STX18: variants seen among roughly 807,000 people sequenced by gnomAD.
STX18 encodes syntaxin 18, also known as syntaxin-18.
A neutral mutation model predicts 50.1 loss-of-function variants in STX18; 40 were observed. The ratio of observed to expected loss-of-function variants is 0.80; its 90% confidence interval spans 0.62 to 1.04. STX18 has a LOEUF of 1.04. Ranked by LOEUF, STX18 falls within the 50% of genes least tolerant of loss-of-function variation. STX18 has a pLI of 0.00. For synonymous variants in STX18, 158 were observed against 151.8 expected, an observed-to-expected ratio of 1.04 and a Z score of -0.30; for missense variants, 410 against 415.8, an observed-to-expected ratio of 0.99 and a Z score of 0.12.
intron 3 of STX18, among the ~76,000 whole-genome samples, chr4:4,458,298 A>C (rs1683591923): frequency 6.6e-6 from 1 of 152,220 alleles, no homozygotes; most frequent in South Asian, 2.1e-4. Flanking sequence ...TAGGTCTCTC[A>C]ATGAATGTAT....
intron 1 of STX18, among the ~76,000 whole-genome samples, chr4:4,505,026 A>G (rs1729634676): frequency 6.6e-6 from 1 of 152,194 alleles, no homozygotes; most frequent in Non-Finnish European, 1.5e-5. Flanking sequence ...AATCTGTTTT[A>G]GAACATTTTC....
chr4:4,517,179 C>T (rs1342733597), intron 1 of STX18, among the ~76,000 whole-genome samples: 1 of 152,120 alleles, frequency 6.6e-6, no homozygotes. Context: ...TATTGGGGCT[C>T]GTCAGTACAT....
chr4:4,528,705 T>C (rs1387304262), intron 1 of STX18, among the ~76,000 whole-genome samples: 1 of 152,238 alleles, frequency 6.6e-6, no homozygotes, highest in South Asian at 2.1e-4. Context: ...TGCCTGCTGC[T>C]GGCTCACAGC....
chr4:4,420,578 T>C lies in STX18; in HGVS notation c.912+286A>G, dbSNP rs1724887258. 2 of 472,540 alleles carry C rather than the reference T, an allele frequency of 4.2e-6. No individual in the cohort carries two copies. Among genetic ancestry groups the C allele is most frequent in the Admixed American group, 3.8e-5 (1 of 25,994 alleles). 29.3% of individuals were successfully genotyped at this position (472,540 alleles called of 1,614,324 possible). A position where few individuals can be genotyped will look rare whatever the true frequency, so the allele number is the denominator to read the frequency against. On this transcript the variant is annotated intron_variant, in intron 10 of 10. Transcript: ENST00000306200. This position sits in a 1 kb window ranked among gnomAD's most constrained non-coding sequence, Gnocchi z 4.3. ...GGGGCCAACGAGCTACCCATGTACA[T>C]CCCTGGACATGAAGAGCTGGCCTGA...
intron 1 of STX18, among the ~76,000 whole-genome samples, chr4:4,476,876 T>C (rs1728200780): frequency 6.6e-6 from 1 of 152,042 alleles, no homozygotes; most frequent in Non-Finnish European, 1.5e-5. Flanking sequence ...TTAGTATATA[T>C]TTGAAATTTT....
At chr4:4,443,775 A>G (rs1157994763) in intron 5 of STX18, among the ~76,000 whole-genome samples, 1 of 152,248 alleles carries the variant, frequency 6.6e-6, no homozygotes, top group African/African-American at 2.4e-5. Context: ...TTAACAAAAA[A>G]AGAAAAAAGC....
chr4:4,537,542 C>T (rs115839934), intron 1 of STX18, among the ~76,000 whole-genome samples: 1,553 of 152,254 alleles, frequency 0.01, 39 homozygotes, highest in East Asian at 0.026. Flanking sequence ...AGATTTCCTT[C>T]CTGGGCTTTA....
chr4:4,471,263 G>A (rs149027103), intron 2 of STX18, among the ~76,000 whole-genome samples: 1 of 152,310 alleles, frequency 6.6e-6, no homozygotes, highest in East Asian at 1.9e-4. Context: ...GACTGGGACC[G>A]CAAGAGATGG....
intron 1 of STX18, among the ~76,000 whole-genome samples, chr4:4,524,115 T>C (rs866986393): frequency 6.6e-6 from 1 of 152,206 alleles, no homozygotes; most frequent in South Asian, 2.1e-4. Context: ...ATACCTAACC[T>C]AGTTGTATGC....
chr4:4,489,015 C>A (rs1728817583), intron 1 of STX18, among the ~76,000 whole-genome samples: 1 of 152,102 alleles, frequency 6.6e-6, no homozygotes, highest in Non-Finnish European at 1.5e-5. Context: ...TCATTCAAAC[C>A]CCAAAAGTAG....
chr4:4,539,000 A>G (rs1283987486), intron 1 of STX18, among the ~76,000 whole-genome samples: 1 of 152,234 alleles, frequency 6.6e-6, no homozygotes, highest in African/African-American at 2.4e-5. Flanking sequence ...AAAATTGAGC[A>G]TAAAAGTTAA....
chr4:4,470,637 T>C (rs1427644462), intron 2 of STX18, among the ~76,000 whole-genome samples: 2 of 152,102 alleles, frequency 1.3e-5, no homozygotes, highest in Non-Finnish European at 2.9e-5. Context: ...AGAGACCTAC[T>C]TTATAAAGGG....
At chr4:4,433,619 C>G (rs1725632928) in intron 7 of STX18, among the ~76,000 whole-genome samples, 1 of 151,164 alleles carries the variant, frequency 6.6e-6, no homozygotes, top group Admixed American at 6.6e-5. Flanking sequence ...TCTCACAGAG[C>G]TTGTGCTCTA....
intron 1 of STX18, among the ~76,000 whole-genome samples, chr4:4,505,075 C>T (rs1202545741): frequency 1.3e-5 from 2 of 152,112 alleles, no homozygotes; most frequent in Non-Finnish European, 2.9e-5. Flanking sequence ...TGGTCACTCC[C>T]CATTTCCCCC....
chr4:4,529,074 G>A (rs187181453), intron 1 of STX18, among the ~76,000 whole-genome samples: 228 of 152,106 alleles, frequency 1.5e-3, no homozygotes, highest in African/African-American at 5.1e-3. Context: ...TTTAAGAAAC[G>A]CATGGTTGGC....
intron 1 of STX18, among the ~76,000 whole-genome samples, chr4:4,488,022 AGTT>A (rs918988388): frequency 4.6e-5 from 7 of 152,144 alleles, no homozygotes; most frequent in Admixed American, 1.3e-4. Context: ...ATGTGTTAAA[AGTT>A]GTTTTTTTTT....
At chr4:4,511,983 A>G (rs1298987650) in intron 1 of STX18, among the ~76,000 whole-genome samples, 1 of 152,060 alleles carries the variant, frequency 6.6e-6, no homozygotes, top group Non-Finnish European at 1.5e-5. Context: ...TAGAATGTTT[A>G]GCAGCATTCC....
intron 1 of STX18, among the ~76,000 whole-genome samples, chr4:4,486,134 T>C (rs1203064549): frequency 3.3e-5 from 5 of 152,308 alleles, no homozygotes; most frequent in African/African-American, 1.2e-4. Flanking sequence ...CCCCAAATGC[T>C]TTCCAGCTCA....
At chr4:4,526,845 C>G (rs1015147715) in intron 1 of STX18, among the ~76,000 whole-genome samples, 1 of 151,964 alleles carries the variant, frequency 6.6e-6, no homozygotes, top group Non-Finnish European at 1.5e-5. Flanking sequence ...TCAAAGATAA[C>G]AAGTAAGGTA....
Sources: allele counts gnomAD v4.1 joint callset (sites outside exome capture counted in the v4.1 genomes callset), GRCh38; gene constraint gnomAD v4.1.1; non-coding constraint Gnocchi (gnomAD v3.1); transcripts MANE v1.5; gene names NCBI Gene and HGNC (gene_info 2026-07-23, HGNC 2026-07-21).